Variants in GALR1 observed in about 807,000 individuals in gnomAD.
The protein encoded by GALR1 is galanin receptor 1.
Under a neutral mutation model 17.9 loss-of-function variants are expected in GALR1, and 11 were observed. The ratio of observed to expected loss-of-function variants is 0.62; its 90% CI spans 0.39 to 1.02. The LOEUF is 1.02. Ranked by LOEUF, GALR1 falls within the 50% of genes least tolerant of loss-of-function variation. GALR1 has a pLI of 0.01. For missense variants in GALR1, 441 were observed against 456.9 expected (o/e 0.97, Z 0.32); for synonymous variants, 206 against 205.7 (o/e 1.00, Z -0.01).
intron 2 of GALR1, among the ~76,000 whole-genome samples, chr18:77,259,684 G>A (rs2144960717): frequency 7.9e-6 from 1 of 127,052 alleles, no homozygotes; most frequent in Admixed American, 8.1e-5. Flanking sequence ...TGATGATGAT[G>A]GTGGCAATTG....
chr18:77,262,966 C>T (rs1912864188), intron 2 of GALR1, among the ~76,000 whole-genome samples: 1 of 152,224 alleles, frequency 6.6e-6, no homozygotes, highest in African/African-American at 2.4e-5. Context: ...AGAGAAAACA[C>T]TCCGGCCTCA....
At chr18:77,260,887 C>T (rs1912815747) in intron 2 of GALR1, among the ~76,000 whole-genome samples, 1 of 152,174 alleles carries the variant, frequency 6.6e-6, no homozygotes, top group African/African-American at 2.4e-5. Flanking sequence ...ATTAAAGGAC[C>T]TCTTGATGTC....
At position 77,271,248 on chromosome 18, in the gene GALR1, C is replaced by G. The variant is rs368353811; in HGVS notation, c.*2346C>G. ...AAAAGTAATAGCTTGCGCTTGAAAC[C>G]CCCCCCCCCCCGCCACTTTGCTAAA... On this transcript the variant is annotated 3_prime_UTR_variant, in exon 3 of 3. Coordinates refer to ENST00000299727, the MANE Select transcript of GALR1 (RefSeq NM_001480.4). 7 of 51,118 alleles carry G rather than the reference C, an allele frequency of 1.4e-4. No individual in the cohort carries two copies. The highest frequency in any genetic ancestry group is 7.4e-4 in the African/African-American group (6 of 8,152). 3.2% of individuals were successfully genotyped at this position (51,118 alleles called of 1,614,324 possible). A position where few individuals can be genotyped will look rare whatever the true frequency, so the allele number is the denominator to read the frequency against.
chr18:77,258,568 GGGT>G (rs1427809700), intron 2 of GALR1, among the ~76,000 whole-genome samples: 1 of 22,690 alleles, frequency 4.4e-5, no homozygotes, highest in Non-Finnish European at 1.2e-4. Context: ...GTCATAGTGG[GGGT>G]GGTGGTGGTC....
rs1451096423 is a variant in GALR1, at chr18:77,250,161, A to C, written c.-388A>C. 1.3e-5 allele frequency among the ~76,000 whole-genome samples: 2 copies of C among 152,152 alleles called. No individual in the cohort carries two copies. The highest frequency in any genetic ancestry group is 3.9e-4 in the East Asian group (2 of 5,156). On this transcript the variant is annotated 5_prime_UTR_variant, in exon 1 of 3. Transcript: ENST00000299727. ...GAGCCAGGGAAAACCGCCGGCGAAG[A>C]TCTGGAGCGGTAAGGCGGAGAGAAG...
intron 2 of GALR1, among the ~76,000 whole-genome samples, chr18:77,258,657 G>GTGATGGTGATGGTGGTGGGTGGTGA (rs1912670811): frequency 7.1e-6 from 1 of 140,150 alleles, no homozygotes; most frequent in African/African-American, 2.6e-5. Context: ...GGTCATAGTG[G>GTGATGGTGATGGTGGTGGGTGGTGA]TGGTGGTGGT....
At position 77,272,898 on chromosome 18, in the gene GALR1, A is replaced by G. The variant is rs1017064893; in HGVS notation, c.*3996A>G. ...ATATTTTCTCTTTTAGAAGTGGAAAAGTTGAGCCTGAGGAAGAATTTAAAA... is the reference window on the plus strand; with the variant it reads ...ATATTTTCTCTTTTAGAAGTGGAAAGGTTGAGCCTGAGGAAGAATTTAAAA... On this transcript the variant is annotated 3_prime_UTR_variant, in exon 3 of 3. Coordinates refer to ENST00000299727, the MANE Select transcript of GALR1 (RefSeq NM_001480.4). 2 of 152,208 alleles carry G rather than the reference A, an allele frequency of 1.3e-5. No homozygotes were observed. The highest frequency in any genetic ancestry group is 1.3e-4 in the Admixed American group (2 of 15,274). The allele number at this position is 152,208 out of a possible 1,614,324, so 9.4% of individuals were successfully genotyped here.
At position 77,268,468 on chromosome 18, in the gene GALR1, G is replaced by A. The variant is rs975707787; in HGVS notation, c.733-117G>A. 29 of 696,928 alleles carry A rather than the reference G, an allele frequency of 4.2e-5. No homozygotes were observed. In the African/African-American group the frequency reaches 4.6e-4, roughly 11 times the overall value. 43.2% of individuals were successfully genotyped at this position (696,928 alleles called of 1,614,324 possible). A position where few individuals can be genotyped will look rare whatever the true frequency, so the allele number is the denominator to read the frequency against. On this transcript the variant is annotated intron_variant, in intron 2 of 2. Coordinates refer to ENST00000299727, the MANE Select transcript of GALR1 (RefSeq NM_001480.4). ...TGAAAATATACATAAAATTAGCTTA[G>A]GATGTATTTTAAAATGCTGGATTCC...
chr18:77,277,537 T>G lies in GALR1; in HGVS notation c.*8635T>G, dbSNP rs753273523. 1 of 152,248 alleles carries G rather than the reference T, an allele frequency of 6.6e-6. No homozygotes were observed. The highest frequency in any genetic ancestry group is 1.5e-5 in the Non-Finnish European group (1 of 68,070). The allele number at this position is 152,248 out of a possible 1,614,324, so 9.4% of individuals were successfully genotyped here. A position where few individuals can be genotyped will look rare whatever the true frequency, so the allele number is the denominator to read the frequency against. On this transcript the variant is annotated 3_prime_UTR_variant, in exon 3 of 3. Coordinates refer to ENST00000299727, the MANE Select transcript of GALR1 (RefSeq NM_001480.4). ...GAAATGTAAGTCAATTAAACCACTT[T>G]CTTTAGTAAATTGCCCAGTCTCGGG...
intron 2 of GALR1, among the ~76,000 whole-genome samples, chr18:77,262,361 G>C (rs548529853): frequency 6.6e-6 from 1 of 152,114 alleles, no homozygotes; most frequent in African/African-American, 2.4e-5. Context: ...ATCGTTTCCC[G>C]AGTTTGACAG....
At chr18:77,258,847 G>GGTGATGATGGTGGTCATA (rs1912701267) in intron 2 of GALR1, among the ~76,000 whole-genome samples, 1 of 136,246 alleles carries the variant, frequency 7.3e-6, no homozygotes, top group Admixed American at 6.9e-5. Flanking sequence ...TGGTGATGGT[G>GGTGATGATGGTGGTCATA]GTGGTGATGG....
chr18:77,259,396 GTGGTCATGGTGGTTATGGTGGTGATGA>G (rs1318695460), intron 2 of GALR1, among the ~76,000 whole-genome samples: 6 of 142,606 alleles, frequency 4.2e-5, no homozygotes, highest in Non-Finnish European at 9.5e-5. Context: ...GGTGTTGGTG[GTGGTCATGGTGGTTATGGTGGTGATGA>G]TGGTCATGGT....
intron 1 of GALR1, among the ~76,000 whole-genome samples, chr18:77,254,224 C>T (rs1244723416): frequency 2.6e-5 from 4 of 152,156 alleles, no homozygotes; most frequent in African/African-American, 4.8e-5. Context: ...TCTTAAACGT[C>T]GTCATACCCT....
At position 77,269,940 on chromosome 18, in the gene GALR1, T is replaced by C. The variant is rs1814136617; in HGVS notation, c.*1038T>C. 1.3e-5 allele frequency: 2 copies of C among 152,366 alleles called. No individual in the cohort carries two copies. The highest frequency in any genetic ancestry group is 2.9e-5 in the Non-Finnish European group (2 of 68,036). The allele number at this position is 152,366 out of a possible 1,614,324, so 9.4% of individuals were successfully genotyped here. A position where few individuals can be genotyped will look rare whatever the true frequency, so the allele number is the denominator to read the frequency against. On this transcript the variant is annotated 3_prime_UTR_variant, in exon 3 of 3. Transcript: ENST00000299727. ...AATATACCTGGGGTATCCTATCTTG[T>C]ACAAATGCATGCTTTTTCATTAAAT...
At chr18:77,255,068 T>G (rs541591532) in intron 1 of GALR1, among the ~76,000 whole-genome samples, 1 of 152,292 alleles carries the variant, frequency 6.6e-6, no homozygotes, top group East Asian at 1.9e-4. Context: ...TTCAATTCGA[T>G]TAAATTATTT....
intron 1 of GALR1, 36 bp downstream of exon 1, chr18:77,251,250 AG>A: frequency 6.4e-7 from 1 of 1,561,338 alleles, no homozygotes; most frequent in Non-Finnish European, 8.7e-7. Context: ...CGCGCGAGGG[AG>A]GGCGGAGGGC....
chr18:77,266,260 C>T (rs954488527), intron 2 of GALR1, among the ~76,000 whole-genome samples: 4 of 152,208 alleles, frequency 2.6e-5, no homozygotes, highest in Admixed American at 1.3e-4. Context: ...TTTCTGATCT[C>T]CATCTGAGAC....
rs1399171120 is a variant in GALR1 at position 77,250,817 on chromosome 18, C to A, written c.269C>A (p.Pro90His). ...ADLAYLLFCI[P>H]FQATVYALPT... ...CTGGCCTACCTGCTCTTCTGCATCC[C>A]CTTCCAGGCCACCGTGTACGCGCTG... Residue 90 changes from proline (P) to histidine (H), a missense_variant, in exon 1 of 3, where the codon CCC becomes CAC. Coordinates refer to ENST00000299727, the MANE Select transcript of GALR1 (RefSeq NM_001480.4). 1 of 1,613,892 alleles carries A rather than the reference C, an allele frequency of 6.2e-7. No homozygotes were observed. The highest frequency in any genetic ancestry group is 1.1e-5 in the South Asian group (1 of 91,090).
At chr18:77,268,158 A>T (rs1912982220) in intron 2 of GALR1, among the ~76,000 whole-genome samples, 1 of 152,180 alleles carries the variant, frequency 6.6e-6, no homozygotes, top group South Asian at 2.1e-4. Flanking sequence ...CATAGAAGTG[A>T]CTATTTGGAG....
Sources: gnomAD v4.1 joint callset for allele counts (sites outside exome capture counted in the v4.1 genomes callset) on GRCh38, gnomAD v4.1.1 for gene constraint, MANE v1.5 for transcripts, NCBI Gene and HGNC (gene_info 2026-07-23, HGNC 2026-07-21) for gene names.